The following PCDHA9 variants were observed in gnomAD, a reference collection of about 807,000 sequenced individuals.
PCDHA9 encodes protocadherin alpha 9.
In PCDHA9, 62 loss-of-function variants were observed where a neutral mutation model predicts 62.0. The ratio of observed to expected loss-of-function variants is 1.00; its 90% CI spans 0.81 to 1.23. The LOEUF (loss-of-function observed/expected upper bound fraction) is 1.23. Among genes scored for constraint, PCDHA9 ranks in the 50% most tolerant of loss-of-function variants. The probability of loss-of-function intolerance (pLI) is 0.00; values close to 1 mark genes in which losing one functional copy is unlikely to be tolerated. For synonymous variants in PCDHA9, 557 were observed against 567.6 expected, an observed-to-expected ratio of 0.98 and a Z score of 0.27; for missense variants, 1,205 against 1,249.8, an observed-to-expected ratio of 0.96 and a Z score of 0.54.
At chr5:140,925,906 G>A (rs1181128933) in intron 1 of PCDHA9, among the ~76,000 whole-genome samples, 1 of 151,830 alleles carries the variant, frequency 6.6e-6, no homozygotes, top group Non-Finnish European at 1.5e-5. Context: ...ATCGTCAAGG[G>A]CCGTTTGCAA....
chr5:140,877,087 G>C lies in PCDHA9; in HGVS notation c.2394+26198G>C. On this transcript the variant is annotated intron_variant, in intron 1 of 3. Transcript: ENST00000532602. ...GCTGCAGTTCCAGGTGAGCGCGCGC[G>C]ACGCCGGCGTGCCGCCTCTGGGCAG... 2.5e-6 allele frequency: 4 copies of C among 1,613,212 alleles called. No homozygotes were observed. The South Asian group carries it at 3.3e-5, about 13-fold the overall frequency.
At position 141,009,692 on chromosome 5, in the gene PCDHA9, A is replaced by G. The variant is rs2098413739; in HGVS notation, c.2608A>G (p.Lys870Glu). The G allele has an allele frequency of 6.2e-7, 1 of 1,613,856 alleles. No homozygotes were observed. Among genetic ancestry groups the G allele is most frequent in the African/African-American group, 1.3e-5 (1 of 74,858 alleles). The stretch of plus-strand genomic sequence containing the variant: ...TGTCAACAGCAACAGCTGGACCTTT[A>G]AATACGGACCAGGCAACCCCAAACA... The part of the protein sequence containing the change: ...AGVNSNSWTF[K>E]YGPGNPKQSG... Residue 870 changes from lysine to glutamate, a missense_variant, in exon 4 of 4, where the codon AAA (lysine) becomes GAA (glutamate). Physicochemically the swap from Lys to Glu is moderately conservative, Grantham distance 56. Transcript: ENST00000532602.
chr5:140,941,874 A>C (rs1554214738), intron 1 of PCDHA9, among the ~76,000 whole-genome samples: 1 of 152,222 alleles, frequency 6.6e-6, no homozygotes, highest in African/African-American at 2.4e-5. Context: ...GAGTTCTATC[A>C]CCAGTGACTA....
chr5:140,850,372 T>C lies in PCDHA9; in HGVS notation c.1877T>C (p.Leu626Pro). Residue 626 changes from leucine to proline, a missense_variant, in exon 1 of 4, where the codon CTG becomes CCG. By Grantham distance (98) the Leu-to-Pro change is moderately conservative (BLOSUM62 -3). Coordinates refer to ENST00000532602, the MANE Select transcript of PCDHA9 (RefSeq NM_031857.2). ...GCGAGCATCCCGTTCCGCGTGGGGC[T>C]GTACACGGGCGAGATCAGCACAACG... Reference protein sequence around the residue: ...ASASIPFRVGLYTGEISTTRA... With the variant: ...ASASIPFRVGPYTGEISTTRA... 1 of 1,597,806 alleles carries C rather than the reference T, an allele frequency of 6.3e-7. No individual in the cohort carries two copies. The highest frequency in any genetic ancestry group is 1.3e-5 in the African/African-American group (1 of 74,366).
At chr5:140,909,269 A>G (rs1554193726) in intron 1 of PCDHA9, among the ~76,000 whole-genome samples, 1 of 152,240 alleles carries the variant, frequency 6.6e-6, no homozygotes, top group Admixed American at 6.5e-5. Context: ...CTGAAGGCAA[A>G]TTGCTTCTGG....
intron 1 of PCDHA9, among the ~76,000 whole-genome samples, chr5:140,963,581 G>A (rs2095775682): frequency 6.6e-6 from 1 of 152,210 alleles, no homozygotes; most frequent in Non-Finnish European, 1.5e-5. Flanking sequence ...TTCTCAAAAT[G>A]TAGGATATAG....
rs782282264 is a variant in PCDHA9, at chr5:141,009,955, A to C, written c.*18A>C. The C allele has an allele frequency of 6.3e-7, 1 of 1,592,536 alleles. No homozygotes were observed. The highest frequency in any genetic ancestry group is 2.2e-5 in the East Asian group (1 of 44,734). ...ACCAGTGAGGTCCTCAAATGGAAAC[A>C]AGCCACTTAGCCAGTTTTTGTAATA... is the stretch of plus-strand genomic sequence containing the variant. On this transcript the variant is annotated 3_prime_UTR_variant, in exon 4 of 4. Coordinates refer to ENST00000532602, the MANE Select transcript of PCDHA9 (RefSeq NM_031857.2).
intron 1 of PCDHA9, among the ~76,000 whole-genome samples, chr5:140,901,220 TC>T (rs1383510008): frequency 6.6e-6 from 1 of 152,200 alleles, no homozygotes; most frequent in Non-Finnish European, 1.5e-5. Context: ...GTTGATGTGA[TC>T]CCATATATCC....
intron 3 of PCDHA9, among the ~76,000 whole-genome samples, chr5:140,989,715 G>A (rs2097356088): frequency 6.6e-6 from 1 of 152,166 alleles, no homozygotes; most frequent in Non-Finnish European, 1.5e-5. Flanking sequence ...GAGGCAGTCA[G>A]CTTTGCAGTT....
chr5:141,000,743 TA>T (rs527867626), intron 3 of PCDHA9, among the ~76,000 whole-genome samples: 276 of 145,094 alleles, frequency 1.9e-3, no homozygotes, highest in Admixed American at 4.4e-3. Context: ...CTCTGTATAT[TA>T]AAAAAAAAAA....
At chr5:140,962,790 C>T (rs899867239) in intron 1 of PCDHA9, among the ~76,000 whole-genome samples, 28 of 152,286 alleles carry the variant, frequency 1.8e-4, no homozygotes, top group African/African-American at 6.0e-4. Flanking sequence ...TTAAAAACTA[C>T]TTTGGACAAC....
chr5:140,855,892 G>A, intron 1 of PCDHA9: 3 of 1,011,396 alleles, frequency 3.0e-6, no homozygotes, highest in Non-Finnish European at 4.3e-6. Context: ...TAGAACAAAG[G>A]CATCAGCCAG....
chr5:140,917,333 G>T (rs1301739777), intron 1 of PCDHA9, among the ~76,000 whole-genome samples: 6 of 148,632 alleles, frequency 4.0e-5, no homozygotes, highest in East Asian at 2.0e-4. Context: ...GCGGGGGAGG[G>T]GGGGGATGGT....
Position 140,899,596 on chromosome 5 carries a change from G to A in PCDHA9, c.2394+48707G>A, listed in dbSNP as rs567280301. On this transcript the variant is annotated intron_variant, in intron 1 of 3. Transcript: ENST00000532602. ...ATTCGGTTTGCCAGTATTTTATTGA[G>A]GACTTTTGCATCAATGTTCATCAAG... Among the ~76,000 whole-genome samples the A allele has an allele frequency of 7.2e-5, 11 of 152,196 alleles. No individual in the cohort carries two copies. In the East Asian group the frequency reaches 2.1e-3, roughly 29 times the overall value.
chr5:140,937,911 C>CAA lies in PCDHA9; in HGVS notation c.2395-41023_2395-41022dup, dbSNP rs200797202. On this transcript the variant is annotated intron_variant, in intron 1 of 3. Transcript: ENST00000532602. Reference sequence around the variant, plus strand: ...TGGGCGACAGAGTGAGACTCCGTCTCAAAAAAAAAAAAAAAAGTTTAATTT... The same window carrying CAA: ...TGGGCGACAGAGTGAGACTCCGTCTCAAAAAAAAAAAAAAAAAAGTTTAATTT... Among the ~76,000 whole-genome samples, 8 of 117,946 alleles carry CAA rather than the reference C, an allele frequency of 6.8e-5. No individual in the cohort carries two copies. In the East Asian group the frequency reaches 1.1e-3, roughly 17 times the overall value. The allele number at this position is 117,946 out of a possible 152,430, so 77.4% of individuals were successfully genotyped here.
At chr5:140,878,689 AT>A (rs1582445250) in intron 1 of PCDHA9, among the ~76,000 whole-genome samples, 1 of 152,246 alleles carries the variant, frequency 6.6e-6, no homozygotes, top group Admixed American at 6.5e-5. Flanking sequence ...AAAGTCTTAC[AT>A]ACCCCAGCCT....
intron 1 of PCDHA9, among the ~76,000 whole-genome samples, chr5:140,972,732 C>T (rs2096552874): frequency 1.3e-5 from 2 of 149,646 alleles, no homozygotes; most frequent in Non-Finnish European, 3.0e-5. Flanking sequence ...GGCGTAATCC[C>T]GGCTCACTGC....
chr5:140,921,017 T>C (rs2153559418), intron 1 of PCDHA9, among the ~76,000 whole-genome samples: 1 of 152,192 alleles, frequency 6.6e-6, no homozygotes, highest in African/African-American at 2.4e-5. Context: ...TCTTGCTATG[T>C]TTTCTAGACT....
chr5:140,987,892 A>C (rs1383983251), intron 3 of PCDHA9, among the ~76,000 whole-genome samples: 1 of 152,094 alleles, frequency 6.6e-6, no homozygotes, highest in Non-Finnish European at 1.5e-5. Flanking sequence ...TATGTGCCCT[A>C]GTTTTATATG....
Sources: allele counts gnomAD v4.1 joint callset (sites outside exome capture counted in the v4.1 genomes callset), GRCh38; gene constraint gnomAD v4.1.1; transcripts MANE v1.5; gene names NCBI Gene and HGNC (gene_info 2026-07-23, HGNC 2026-07-21).